Variants in MYO18B observed in about 807,000 individuals in gnomAD.
MYO18B encodes the protein myosin XVIIIB, also known as unconventional myosin-XVIIIb.
Under a neutral mutation model 273.0 loss-of-function variants are expected in MYO18B, and 204 were observed. The ratio of observed to expected loss-of-function variants is 0.75; its 90% confidence interval spans 0.67 to 0.84. The LOEUF is 0.84. MYO18B is among the 40% of genes least tolerant of loss of function. The pLI is 0.00. For synonymous variants in MYO18B, 1,330 were observed against 1,305.7 expected (o/e 1.02, Z -0.40); for missense variants, 3,212 against 3,287.6 (o/e 0.98, Z 0.56).
At chr22:25,772,269 T>C (rs990808219) in intron 6 of MYO18B, 65 bp from the exon 7 acceptor site, 3 of 1,202,330 alleles carry the variant, frequency 2.5e-6, no homozygotes, top group African/African-American at 6.8e-5. Context: ...TGCGGGGGGG[T>C]GGGGTGGGGG....
At position 25,772,389 on chromosome 22, in the gene MYO18B, A is replaced by G. The variant is rs1263977196; in HGVS notation, c.1748A>G (p.Asn583Ser). ...VEDLASLISV[N>S]ESSVLNTLLQ... ...GACCTGGCCTCTCTCATCAGTGTCA[A>G]CGAATCCAGTGTCCTGAACACGCTT... is the stretch of plus-strand genomic sequence containing the variant. Residue 583 changes from asparagine to serine, a missense_variant, in exon 7 of 44, where the codon AAC becomes AGC. Transcript: ENST00000335473. The G allele has an allele frequency of 3.7e-6, 6 of 1,613,996 alleles. No homozygotes were observed. Among genetic ancestry groups the G allele is most frequent in the Admixed American group, 3.3e-5 (2 of 60,032 alleles).
At chr22:26,002,595 G>A (rs1487381568) in intron 40 of MYO18B, among the ~76,000 whole-genome samples, 1 of 152,168 alleles carries the variant, frequency 6.6e-6, no homozygotes, top group East Asian at 1.9e-4. Flanking sequence ...TGATGTCCTA[G>A]GTGTCTGAGG....
intron 1 of MYO18B, among the ~76,000 whole-genome samples, chr22:25,745,956 A>AT (rs886281071): frequency 1.3e-5 from 2 of 152,162 alleles, no homozygotes; most frequent in Non-Finnish European, 2.9e-5. Flanking sequence ...GGCGTGAGTT[A>AT]TTAGCCCCAT....
chr22:25,940,889 TAGA>T (rs760085641), intron 34 of MYO18B, among the ~76,000 whole-genome samples: 2 of 152,176 alleles, frequency 1.3e-5, no homozygotes, highest in African/African-American at 4.8e-5. Flanking sequence ...TACTATTTAG[TAGA>T]AGAAGGGTCC....
Position 25,766,301 on chromosome 22 carries a change from T to C in MYO18B, c.199-1814T>C, listed in dbSNP as rs113543049. 3.0e-3 allele frequency among the ~76,000 whole-genome samples: 450 copies of C among 152,144 alleles called. 3 individuals carry two copies. The highest frequency in any genetic ancestry group is 9.9e-3 in the African/African-American group (412 of 41,474). ...TACTCCAGTTGTTCCTTCGGAGGAT[T>C]AAATAGGAGATTGCATGATGGTGAT... On this transcript the variant is annotated intron_variant, in intron 3 of 43. Coordinates refer to ENST00000335473, the MANE Select transcript of MYO18B (RefSeq NM_032608.7).
intron 39 of MYO18B, among the ~76,000 whole-genome samples, chr22:25,991,827 C>T (rs553705779): frequency 1.5e-4 from 23 of 152,330 alleles, no homozygotes; most frequent in Middle Eastern, 3.4e-3. Flanking sequence ...TCGCGCTTGC[C>T]TGTTCTGGAG....
At chr22:25,910,170 G>A (rs891602590) in intron 32 of MYO18B, among the ~76,000 whole-genome samples, 4 of 152,224 alleles carry the variant, frequency 2.6e-5, no homozygotes, top group Non-Finnish European at 4.4e-5. Context: ...TGCTGTAGCA[G>A]AATATTATTG....
At chr22:25,762,110 G>GAA (rs113144865) in intron 2 of MYO18B, among the ~76,000 whole-genome samples, 1 of 111,716 alleles carries the variant, frequency 9.0e-6, no homozygotes, top group Non-Finnish European at 2.0e-5. Context: ...TCTCAAAAAA[G>GAA]AAAAAAAAAA....
chr22:26,003,471 T>C (rs749255490), intron 41 of MYO18B, among the ~76,000 whole-genome samples, 162 bp downstream of exon 41: 1 of 152,218 alleles, frequency 6.6e-6, no homozygotes, highest in Non-Finnish European at 1.5e-5. Flanking sequence ...AGGAACATCG[T>C]ATTGAACTGC....
intron 35 of MYO18B, 28 bp from the exon 36 acceptor site, chr22:25,947,684 G>C: frequency 1.3e-6 from 2 of 1,585,276 alleles, no homozygotes; most frequent in South Asian, 2.2e-5. Flanking sequence ...CTCTCACCTT[G>C]CCTTGACCAC....
chr22:25,966,078 A>G (rs2092974734), intron 39 of MYO18B, among the ~76,000 whole-genome samples: 1 of 152,238 alleles, frequency 6.6e-6, no homozygotes, highest in African/African-American at 2.4e-5. Context: ...GGAAAAGACT[A>G]AAACAAGTAA....
intron 1 of MYO18B, among the ~76,000 whole-genome samples, chr22:25,754,280 A>G (rs560667482): frequency 6.6e-6 from 1 of 152,324 alleles, no homozygotes; most frequent in African/African-American, 2.4e-5. Context: ...GCATGTGCAA[A>G]GTTCTTGAGG....
chr22:25,898,405 C>T lies in MYO18B; in HGVS notation c.4767C>T (p.Cys1589=), dbSNP rs370121060. 103 of 1,613,756 alleles carry T rather than the reference C, an allele frequency of 6.4e-5. No individual in the cohort carries two copies. The highest frequency in any genetic ancestry group is 8.0e-5 in the Non-Finnish European group (94 of 1,179,866). The change falls in exon 29 of 44, where the codon TGC becomes TGT. Residue 1589 remains cysteine, a synonymous_variant. Transcript: ENST00000335473. ...TTACCTGTGACCTTGAGGATACCTG[C>T]GTCCTGCTAGAGAACCAACAAAGTC... The part of the protein sequence containing the change: ...HHLTCDLEDT[C]VLLENQQSRN...
At chr22:25,903,206 G>A (rs1209494976) in intron 30 of MYO18B, 1 of 202,180 alleles carries the variant, frequency 4.9e-6, no homozygotes, top group Non-Finnish European at 1.0e-5. Flanking sequence ...CTGGCCCAAA[G>A]TTATTTGATC....
intron 32 of MYO18B, among the ~76,000 whole-genome samples, chr22:25,909,507 C>T (rs1267022518): frequency 1.3e-5 from 2 of 152,186 alleles, no homozygotes; most frequent in Non-Finnish European, 2.9e-5. Context: ...ACTTTTTCCC[C>T]CTCCATGGGT....
At position 25,990,631 on chromosome 22, in the gene MYO18B, G is replaced by C. The variant is rs566362989; in HGVS notation, c.6157-1732G>C. 2.1e-3 allele frequency among the ~76,000 whole-genome samples: 281 copies of C among 136,724 alleles called. 1 individual carries two copies. The highest frequency in any genetic ancestry group is 7.2e-3 in the African/African-American group (270 of 37,474). The allele number at this position is 136,724 out of a possible 152,430, so 89.7% of individuals were successfully genotyped here. On this transcript the variant is annotated intron_variant, in intron 39 of 43. Transcript: ENST00000335473. ...GGACCCGGGAGGTGGAGGTTGCAGT[G>C]AGCTGAGATCATGCCACTGCACTCC...
intron 11 of MYO18B, among the ~76,000 whole-genome samples, chr22:25,789,099 TTCCTCC>T (rs796568561): frequency 0.04 from 3,107 of 76,956 alleles, 146 homozygotes; most frequent in African/African-American, 0.1. Context: ...CTCCTTCTTC[TTCCTCC>T]TCCTCCTCCT....
chr22:25,875,966 A>G (rs1304385275), intron 23 of MYO18B, among the ~76,000 whole-genome samples: 1 of 151,814 alleles, frequency 6.6e-6, no homozygotes, highest in Non-Finnish European at 1.5e-5. Flanking sequence ...TGATGCAGAG[A>G]GCCTGACATA....
intron 17 of MYO18B, among the ~76,000 whole-genome samples, chr22:25,843,229 A>C (rs2090137142): frequency 6.6e-6 from 1 of 152,162 alleles, no homozygotes; most frequent in South Asian, 2.1e-4. Context: ...ATCTCCCAAA[A>C]GTATTCCCTG....
Sources: allele counts gnomAD v4.1 joint callset (sites outside exome capture counted in the v4.1 genomes callset), GRCh38; gene constraint gnomAD v4.1.1; transcripts MANE v1.5; gene names NCBI Gene and HGNC (gene_info 2026-07-23, HGNC 2026-07-21).